The following MVB12B variants were observed in gnomAD, a reference collection of about 807,000 sequenced individuals.
The protein encoded by MVB12B is multivesicular body subunit 12B, also known as ESCRT-I complex subunit MVB12B.
Under a neutral mutation model 41.6 loss-of-function variants are expected in MVB12B, and 16 were observed. The observed-to-expected ratio is 0.38, with a 90% confidence interval of 0.26 to 0.58. The LOEUF is 0.58. MVB12B is among the 20% of genes least tolerant of loss of function. The probability of loss-of-function intolerance (pLI) is 0.62; values close to 1 mark genes in which losing one functional copy is unlikely to be tolerated. For synonymous variants in MVB12B, 133 were observed against 139.7 expected (o/e 0.95, Z 0.34); for missense variants, 274 against 380.2 (o/e 0.72, Z 2.32).
intron 7 of MVB12B, among the ~76,000 whole-genome samples, chr9:126,479,419 C>G (rs1588202754): frequency 6.6e-6 from 1 of 152,186 alleles, no homozygotes; most frequent in Non-Finnish European, 1.5e-5. Flanking sequence ...TTCCAGACTC[C>G]TTTATTCATT....
intron 6 of MVB12B, chr9:126,396,487 CG>C (rs1831116723): frequency 1.0e-6 from 1 of 985,356 alleles, no homozygotes; most frequent in Non-Finnish European, 1.2e-6. Context: ...CAAGCTTCCA[CG>C]TGGGTGAATA....
intron 7 of MVB12B, among the ~76,000 whole-genome samples, chr9:126,427,905 A>G (rs1051174365): frequency 1.3e-5 from 2 of 151,848 alleles, no homozygotes; most frequent in Non-Finnish European, 2.9e-5. Flanking sequence ...ACCTGAATCT[A>G]TCCTGGCAGA....
chr9:126,463,881 C>A (rs1213575000), intron 7 of MVB12B, among the ~76,000 whole-genome samples: 1 of 152,156 alleles, frequency 6.6e-6, no homozygotes, highest in East Asian at 1.9e-4. Flanking sequence ...AAGGTTATAG[C>A]TTTCCAGTTT....
At chr9:126,399,743 C>T (rs1831216540) in intron 6 of MVB12B, among the ~76,000 whole-genome samples, 1 of 152,198 alleles carries the variant, frequency 6.6e-6, no homozygotes, top group African/African-American at 2.4e-5. Context: ...TGGTGGGCTG[C>T]AGCCCTCTAG....
chr9:126,355,311 C>T (rs772753133), intron 2 of MVB12B, among the ~76,000 whole-genome samples: 14 of 152,184 alleles, frequency 9.2e-5, no homozygotes, highest in Non-Finnish European at 1.3e-4. Flanking sequence ...TAGGGGTCTG[C>T]GGAAATGCTG....
intron 7 of MVB12B, among the ~76,000 whole-genome samples, chr9:126,423,466 A>G (rs1192707268): frequency 6.6e-6 from 1 of 152,182 alleles, no homozygotes; most frequent in Non-Finnish European, 1.5e-5. Flanking sequence ...TAGCAATACC[A>G]AGGTAACAGC....
intron 7 of MVB12B, among the ~76,000 whole-genome samples, chr9:126,470,846 C>T (rs555741079): frequency 4.6e-5 from 7 of 152,264 alleles, no homozygotes; most frequent in African/African-American, 1.7e-4. Flanking sequence ...TTTAATATGG[C>T]TGCACTTACG....
intron 7 of MVB12B, among the ~76,000 whole-genome samples, chr9:126,479,606 C>T (rs1205333909): frequency 1.3e-5 from 2 of 152,172 alleles, no homozygotes; most frequent in African/African-American, 2.4e-5. Flanking sequence ...CTGTTCGGGA[C>T]TTTTGTCCCA....
intron 2 of MVB12B, among the ~76,000 whole-genome samples, chr9:126,342,817 T>C (rs1829484281): frequency 6.6e-6 from 1 of 152,202 alleles, no homozygotes; most frequent in South Asian, 2.1e-4. Context: ...ATTAAGTCAA[T>C]ATCCAAACCA....
At chr9:126,359,745 T>C (rs1276508229) in intron 2 of MVB12B, among the ~76,000 whole-genome samples, 1 of 152,220 alleles carries the variant, frequency 6.6e-6, no homozygotes, top group Non-Finnish European at 1.5e-5. Flanking sequence ...CTCTCTTTTA[T>C]TCCCAATAAT....
At chr9:126,330,618 C>A (rs564788300) in intron 1 of MVB12B, among the ~76,000 whole-genome samples, 2 of 152,106 alleles carry the variant, frequency 1.3e-5, no homozygotes, top group African/African-American at 4.8e-5. Context: ...GTTAAATACA[C>A]GTAACATAAA....
chr9:126,391,933 C>T lies in MVB12B; in HGVS notation c.410-133C>T. 2 of 1,069,412 alleles carry T rather than the reference C, an allele frequency of 1.9e-6. No individual in the cohort carries two copies. The highest frequency in any genetic ancestry group is 2.8e-6 in the Non-Finnish European group (2 of 715,066). The allele number at this position is 1,069,412 out of a possible 1,614,324, so 66.2% of individuals were successfully genotyped here. A position where few individuals can be genotyped will look rare whatever the true frequency, so the allele number is the denominator to read the frequency against. On this transcript the variant is annotated intron_variant, in intron 4 of 9. Transcript: ENST00000361171. This position sits in a 1 kb window ranked among gnomAD's most constrained non-coding sequence, Gnocchi z 4.4. ...GGAAGGCAGGCGGCAGAGCGCAGCC[C>T]TTCTGTCCAGCAGCTTAGGTGACCT...
intron 2 of MVB12B, among the ~76,000 whole-genome samples, chr9:126,378,959 G>A (rs1388729063): frequency 1.3e-5 from 2 of 152,124 alleles, no homozygotes; most frequent in Non-Finnish European, 2.9e-5. Flanking sequence ...CTAGCCTTGG[G>A]TTAGAATGCA....
intron 6 of MVB12B, among the ~76,000 whole-genome samples, chr9:126,406,126 A>G (rs1460927351): frequency 6.6e-6 from 1 of 151,822 alleles, no homozygotes; most frequent in East Asian, 1.9e-4. Context: ...TGGAGAGATC[A>G]TGATTCATCC....
Position 126,392,321 on chromosome 9 carries a change from C to T in MVB12B, c.539+126C>T. On this transcript the variant is annotated intron_variant, in intron 5 of 9. Coordinates refer to ENST00000361171, the MANE Select transcript of MVB12B (RefSeq NM_033446.3). The surrounding 1 kb of genome is among the most constrained non-coding windows in gnomAD (Gnocchi z 4.8). ...GCTCTCAGCCATGGGCCTCTGTCAG[C>T]CCAGTGCTCCTCGCTGCCCTTCCTG... 2.7e-6 allele frequency: 3 copies of T among 1,115,916 alleles called. No homozygotes were observed. The highest frequency in any genetic ancestry group is 2.3e-5 in the Admixed American group (1 of 44,418). 69.1% of individuals were successfully genotyped at this position (1,115,916 alleles called of 1,614,324 possible). A position where few individuals can be genotyped will look rare whatever the true frequency, so the allele number is the denominator to read the frequency against.
At chr9:126,335,373 T>A (rs1286276853) in intron 1 of MVB12B, 2 of 1,304,218 alleles carry the variant, frequency 1.5e-6, no homozygotes, top group African/African-American at 3.0e-5. Context: ...GGGCACAGCA[T>A]GGACACTGGC....
chr9:126,484,460 G>A lies in MVB12B; in HGVS notation c.873+428G>A, dbSNP rs558317192. 2.6e-5 allele frequency among the ~76,000 whole-genome samples: 4 copies of A among 152,116 alleles called. No individual in the cohort carries two copies. In the South Asian group the frequency reaches 6.2e-4, roughly 24 times the overall value. On this transcript the variant is annotated intron_variant, in intron 9 of 9. Transcript: ENST00000361171. Reference sequence around the variant, plus strand: ...CTCCACAATTTAGGGGCAGGTCAGGGTACCTTCCACTGTGCTTCATGAGGT... The same window carrying A: ...CTCCACAATTTAGGGGCAGGTCAGGATACCTTCCACTGTGCTTCATGAGGT...
chr9:126,338,382 G>T (rs1028683784), intron 1 of MVB12B, among the ~76,000 whole-genome samples: 3 of 152,248 alleles, frequency 2.0e-5, no homozygotes, highest in Non-Finnish European at 4.4e-5. Context: ...CCCTCCTGCT[G>T]TTGAGAGCGG....
chr9:126,409,099 A>G (rs1831538499), intron 6 of MVB12B, among the ~76,000 whole-genome samples: 1 of 150,918 alleles, frequency 6.6e-6, no homozygotes, highest in African/African-American at 2.4e-5. Context: ...CCACAACGGC[A>G]TCGTGACTTC....
Sources: allele counts gnomAD v4.1 joint callset (sites outside exome capture counted in the v4.1 genomes callset), GRCh38; gene constraint gnomAD v4.1.1; non-coding constraint Gnocchi (gnomAD v3.1); transcripts MANE v1.5; gene names NCBI Gene and HGNC (gene_info 2026-07-23, HGNC 2026-07-21).